AMDHD2: variants seen among roughly 807,000 people sequenced by gnomAD.
The protein encoded by AMDHD2 is amidohydrolase domain containing 2.
AMDHD2 carries 24 observed loss-of-function variants against 41.8 expected under a neutral mutation model. The ratio of observed to expected loss-of-function variants is 0.57; its 90% CI spans 0.42 to 0.81. AMDHD2 has a LOEUF of 0.81. Ranked by LOEUF, AMDHD2 falls within the 30% of genes least tolerant of loss-of-function variation. AMDHD2 has a pLI of 0.00. For synonymous variants in AMDHD2, 332 were observed against 255.5 expected, an observed-to-expected ratio of 1.30 and a Z score of -2.85; for missense variants, 540 against 588.5, an observed-to-expected ratio of 0.92 and a Z score of 0.85.
chr16:2,528,983 C>T lies in AMDHD2; in HGVS notation c.1040-11C>T, dbSNP rs753766613. The T allele has an allele frequency of 1.3e-5, 21 of 1,566,592 alleles. No individual in the cohort carries two copies. The African/African-American group carries it at 2.3e-4, about 17-fold the overall frequency. The stretch of plus-strand genomic sequence containing the variant: ...CTTGGGGACTGTCACCTAGCTGTGT[C>T]CCCCAAGCAGGCTGCAGCATGGAGT... On this transcript the variant is annotated splice_polypyrimidine_tract_variant and intron_variant, in intron 9 of 10. Coordinates refer to ENST00000293971, the MANE Select transcript of AMDHD2 (RefSeq NM_001330449.2).
rs1419799133 is a variant in AMDHD2, at chr16:2,530,676, C to T, written c.*1113C>T. The T allele has an allele frequency of 6.2e-7, 1 of 1,614,014 alleles. No individual in the cohort carries two copies. The highest frequency in any genetic ancestry group is 8.5e-7 in the Non-Finnish European group (1 of 1,180,018). ...CCAGTTAAGGAAATGTCTCCAGGTC[C>T]AAAGAGATAGGATGGTCTGGGCCCC... On this transcript the variant is annotated 3_prime_UTR_variant, in exon 11 of 11. Coordinates refer to ENST00000293971, the MANE Select transcript of AMDHD2 (RefSeq NM_001330449.2).
At position 2,527,669 on chromosome 16, in the gene AMDHD2, G is replaced by T; in HGVS notation, c.415+54G>T. On this transcript the variant is annotated intron_variant, in intron 4 of 10. Coordinates refer to ENST00000293971, the MANE Select transcript of AMDHD2 (RefSeq NM_001330449.2). The surrounding 1 kb of genome is among the most constrained non-coding windows in gnomAD (Gnocchi z 6.1). ...ACCCTGGGAGGCTCCTGCGGGACCT[G>T]TTGGCAGCCCCCACCCCTCCAGATG... 1 of 1,581,172 alleles carries T rather than the reference G, an allele frequency of 6.3e-7. No homozygotes were observed. Among genetic ancestry groups the T allele is most frequent in the Non-Finnish European group, 8.6e-7 (1 of 1,163,462 alleles).
intron 3 of AMDHD2, among the ~76,000 whole-genome samples, chr16:2,523,811 C>T (rs930492807): frequency 6.6e-6 from 1 of 152,212 alleles, no homozygotes; most frequent in Non-Finnish European, 1.5e-5. Context: ...TCTCTGTCCC[C>T]AGCCACATTC....
At chr16:2,529,235 C>T in intron 10 of AMDHD2, 140 bp downstream of exon 10, 1 of 1,064,840 alleles carries the variant, frequency 9.4e-7, no homozygotes, top group Non-Finnish European at 1.3e-6. Context: ...CTGCCAGCCT[C>T]AGTTGTAGCC....
rs372394114 is a variant in AMDHD2, at chr16:2,521,966, C to A, written c.360+843C>A. ...CGCCCGGCTAATTTTTTGTATTTTT[C>A]GTAGAGACGGGGTTTCACCGTGTTA... On this transcript the variant is annotated intron_variant, in intron 3 of 10. Coordinates refer to ENST00000293971, the MANE Select transcript of AMDHD2 (RefSeq NM_001330449.2). Among the ~76,000 whole-genome samples the A allele has an allele frequency of 3.4e-3, 512 of 151,602 alleles. 5 individuals carry two copies. In the East Asian group the frequency reaches 0.043, roughly 13 times the overall value.
At chr16:2,523,476 T>C (rs2065967334) in intron 3 of AMDHD2, among the ~76,000 whole-genome samples, 1 of 152,132 alleles carries the variant, frequency 6.6e-6, no homozygotes, top group Non-Finnish European at 1.5e-5. Context: ...ACCTTCTGCC[T>C]TTCTGAGCCT....
Position 2,531,195 on chromosome 16 carries a change from C to T in AMDHD2, c.*1632C>T, listed in dbSNP as rs2066091570. 1 of 1,290,676 alleles carries T rather than the reference C, an allele frequency of 7.7e-7. No individual in the cohort carries two copies. The highest frequency in any genetic ancestry group is 1.1e-6 in the Non-Finnish European group (1 of 946,358). The allele number at this position is 1,290,676 out of a possible 1,614,324, so 80.0% of individuals were successfully genotyped here. A position where few individuals can be genotyped will look rare whatever the true frequency, so the allele number is the denominator to read the frequency against. On this transcript the variant is annotated 3_prime_UTR_variant, in exon 11 of 11. Transcript: ENST00000293971. The stretch of plus-strand genomic sequence containing the variant: ...GGCCTGCCCCATTCACCGGCCAGCG[C>T]CCCACCTCCCTGGCTGGAGGGTCGG...
Position 2,530,325 on chromosome 16 carries a change from C to T in AMDHD2, c.*762C>T, listed in dbSNP as rs775348057. Reference sequence around the variant, plus strand: ...GGCAGTATGGGAGGCACCAGTGTGCCCTGCTCACCCCATTAGTGTCATCCT... The same window carrying T: ...GGCAGTATGGGAGGCACCAGTGTGCTCTGCTCACCCCATTAGTGTCATCCT... On this transcript the variant is annotated 3_prime_UTR_variant, in exon 11 of 11. Coordinates refer to ENST00000293971, the MANE Select transcript of AMDHD2 (RefSeq NM_001330449.2). 1.7e-5 allele frequency: 27 copies of T among 1,614,016 alleles called. 1 individual carries two copies. The South Asian group carries it at 3.0e-4, about 18-fold the overall frequency.
intron 3 of AMDHD2, among the ~76,000 whole-genome samples, chr16:2,526,539 C>G (rs1281578981): frequency 6.6e-6 from 1 of 152,222 alleles, no homozygotes; most frequent in Middle Eastern, 3.4e-3. Context: ...GTGCACTCCC[C>G]CAGACCTGCC....
Position 2,528,347 on chromosome 16 carries a change from G to T in AMDHD2, c.829G>T (p.Ala277Ser). The change falls in exon 7 of 11, where the codon GCC (alanine) becomes TCC (serine). Residue 277 changes from alanine to serine, a missense_variant. Coordinates refer to ENST00000293971, the MANE Select transcript of AMDHD2 (RefSeq NM_001330449.2). ...IADGTHTNPA[A>S]LRIAHRAHPQ... ...AGATGGCACGCACACCAACCCCGCC[G>T]CCCTGCGGATCGCCCACCGTGCCCA... 6.2e-7 allele frequency: 1 copy of T among 1,612,838 alleles called. No individual in the cohort carries two copies. The highest frequency in any genetic ancestry group is 8.5e-7 in the Non-Finnish European group (1 of 1,179,932).
intron 3 of AMDHD2, among the ~76,000 whole-genome samples, chr16:2,524,310 C>T (rs2065976883): frequency 6.6e-6 from 1 of 152,248 alleles, no homozygotes; most frequent in Non-Finnish European, 1.5e-5. Context: ...CTGTCCTTTG[C>T]TACGGTACTT....
rs1048700587 is a variant in AMDHD2 at position 2,521,012 on chromosome 16, C to T, written c.249C>T (p.Ala83=). Residue 83 remains alanine, a synonymous_variant, in exon 3 of 11, where the codon GCC becomes GCT. Transcript: ENST00000293971. ...NGGFGVDFSQ[A]TEDVGSGVAL... is the part of the protein sequence containing the mutation. ...GATTTGGTGTTGACTTCTCTCAAGC[C>T]ACGGAGGACGTGGGTTCGGGGGTTG... 6.2e-7 allele frequency: 1 copy of T among 1,609,770 alleles called. No individual in the cohort carries two copies. Among genetic ancestry groups the T allele is most frequent in the Admixed American group, 1.7e-5 (1 of 59,496 alleles).
chr16:2,529,857 C>CA lies in AMDHD2; in HGVS notation c.*295dup. On this transcript the variant is annotated 3_prime_UTR_variant, in exon 11 of 11. Transcript: ENST00000293971. ...GTAGTTTAGCCTGGGCCTTGGGCCC[C>CA]AGTGGGGGACAGGGCCTGTCTGCAT... The CA allele has an allele frequency of 7.5e-7, 1 of 1,329,404 alleles. No individual in the cohort carries two copies. The highest frequency in any genetic ancestry group is 1.6e-5 in the South Asian group (1 of 61,424). The allele number at this position is 1,329,404 out of a possible 1,614,324, so 82.4% of individuals were successfully genotyped here. A position where few individuals can be genotyped will look rare whatever the true frequency, so the allele number is the denominator to read the frequency against.
chr16:2,523,978 G>A (rs2141902749), intron 3 of AMDHD2, among the ~76,000 whole-genome samples: 1 of 152,340 alleles, frequency 6.6e-6, no homozygotes, highest in African/African-American at 2.4e-5. Flanking sequence ...TTCTTCCTTA[G>A]GAAGAGTCTC....
chr16:2,529,206 C>T, intron 10 of AMDHD2, 111 bp downstream of exon 10: 1 of 1,169,248 alleles, frequency 8.6e-7, no homozygotes, highest in South Asian at 1.6e-5. Context: ...TAGCTCCCTC[C>T]TCTCAGGTGG....
Position 2,521,142 on chromosome 16 carries a change from G to C in AMDHD2, c.360+19G>C, listed in dbSNP as rs769498319. The C allele has an allele frequency of 1.3e-6, 2 of 1,548,748 alleles. No individual in the cohort carries two copies. Among genetic ancestry groups the C allele is most frequent in the Admixed American group, 1.9e-5 (1 of 51,736 alleles). Reference sequence around the variant, plus strand: ...TCACAAGGTGAGGTGAGGCTCCCTGGCTGAGGTGGAGGGGGCTCCCGGAGC... The same window carrying C: ...TCACAAGGTGAGGTGAGGCTCCCTGCCTGAGGTGGAGGGGGCTCCCGGAGC... On this transcript the variant is annotated intron_variant, in intron 3 of 10. Coordinates refer to ENST00000293971, the MANE Select transcript of AMDHD2 (RefSeq NM_001330449.2).
intron 1 of AMDHD2, 66 bp downstream of exon 1, chr16:2,520,607 C>G (rs13338571): frequency 5.6e-6 from 4 of 714,282 alleles, no homozygotes; most frequent in Non-Finnish European, 5.0e-6. Context: ...GGCCGGGGAC[C>G]GGGCGGGGTG....
Position 2,529,796 on chromosome 16 carries a change from G to A in AMDHD2, c.*233G>A. The stretch of plus-strand genomic sequence containing the variant: ...CACCATCCTTGGTTGCCCTCCTGGA[G>A]AAGGCATTCACGGCCTGGGGTGGGA... On this transcript the variant is annotated 3_prime_UTR_variant, in exon 11 of 11. Coordinates refer to ENST00000293971, the MANE Select transcript of AMDHD2 (RefSeq NM_001330449.2). The A allele has an allele frequency of 2.1e-6, 3 of 1,430,660 alleles. No individual in the cohort carries two copies. The highest frequency in any genetic ancestry group is 2.7e-6 in the Non-Finnish European group (3 of 1,096,472). The allele number at this position is 1,430,660 out of a possible 1,614,324, so 88.6% of individuals were successfully genotyped here.
At chr16:2,521,464 A>G (rs1222872840) in intron 3 of AMDHD2, among the ~76,000 whole-genome samples, 3 of 151,972 alleles carry the variant, frequency 2.0e-5, no homozygotes, top group Non-Finnish European at 4.4e-5. Context: ...GGATTCTGTG[A>G]TTGGCACAGC....
Sources: allele counts gnomAD v4.1 joint callset (sites outside exome capture counted in the v4.1 genomes callset), GRCh38; gene constraint gnomAD v4.1.1; non-coding constraint Gnocchi (gnomAD v3.1); transcripts MANE v1.5; gene names NCBI Gene and HGNC (gene_info 2026-07-23, HGNC 2026-07-21).